Variants in WDR33 observed in about 807,000 individuals in gnomAD.
WDR33 encodes the protein WD repeat domain 33.
A neutral mutation model predicts 164.9 loss-of-function variants in WDR33; 47 were observed. The observed-to-expected ratio is 0.29, with a 90% CI of 0.23 to 0.36. The LOEUF is 0.36. Ranked by LOEUF, WDR33 falls within the 10% of genes least tolerant of loss-of-function variation. WDR33 has a pLI of 1.00. For synonymous variants in WDR33, 505 were observed against 589.0 expected (o/e 0.86, Z 2.06); for missense variants, 1,137 against 1,754.1 (o/e 0.65, Z 6.28).
At chr2:127,731,362 AAGAG>A (rs1398660539) in intron 7 of WDR33, among the ~76,000 whole-genome samples, 1 of 151,978 alleles carries the variant, frequency 6.6e-6, no homozygotes, top group African/African-American at 2.4e-5. Flanking sequence ...CAGTGTTAAT[AAGAG>A]AGAGAGTAAT....
At chr2:127,751,504 T>A (rs1201498768) in intron 7 of WDR33, among the ~76,000 whole-genome samples, 1 of 149,044 alleles carries the variant, frequency 6.7e-6, no homozygotes, top group Non-Finnish European at 1.5e-5. Flanking sequence ...TGAGCTATGA[T>A]CATGCCAGTG....
chr2:127,758,218 C>T (rs1456192568), intron 7 of WDR33, among the ~76,000 whole-genome samples: 1 of 152,106 alleles, frequency 6.6e-6, no homozygotes, highest in African/African-American at 2.4e-5. Context: ...TTCCTCTACC[C>T]ACACCCTTCT....
chr2:127,788,599 G>A (rs1688711441), intron 1 of WDR33, among the ~76,000 whole-genome samples: 2 of 140,154 alleles, frequency 1.4e-5, no homozygotes, highest in Non-Finnish European at 3.1e-5. Context: ...AGGGGCGGCC[G>A]GGCAGAGGCA....
At chr2:127,773,423 G>A (rs199692495) in intron 1 of WDR33, among the ~76,000 whole-genome samples, 3 of 139,164 alleles carry the variant, frequency 2.2e-5, no homozygotes, top group South Asian at 2.5e-4. Context: ...TAACAACAAG[G>A]AGGAGGAGGG....
At chr2:127,803,892 C>A (rs550197315) in intron 1 of WDR33, among the ~76,000 whole-genome samples, 4 of 142,078 alleles carry the variant, frequency 2.8e-5, no homozygotes, top group African/African-American at 1.1e-4. Context: ...AGGCTGCAGG[C>A]AGCTATGATC....
In WDR33 at chr2:127,763,619, G is replaced by A. The variant is rs1687741555; in HGVS notation, c.627-460C>T. 14 of 991,690 alleles carry A rather than the reference G, an allele frequency of 1.4e-5. No individual in the cohort carries two copies. The highest frequency in any genetic ancestry group is 1.2e-4 in the Admixed American group (2 of 17,142). 61.4% of individuals were successfully genotyped at this position (991,690 alleles called of 1,614,324 possible). On this transcript the variant is annotated intron_variant, in intron 6 of 21. Transcript: ENST00000322313. This position sits in a 1 kb window ranked among gnomAD's most constrained non-coding sequence, Gnocchi z 4.5. ...AAACAATGTGGGCTGTCTATTAAAA[G>A]ACTGATTGCTAAACATCCCTACATA...
chr2:127,701,963 C>T lies in WDR33; in HGVS notation c.*4360G>A, dbSNP rs757020662. ...GCTGCGAAGAAGCGCCGTCCCGGCCCGCGCTGCTCTACATGGCAGCGCTGG... is the reference window on the plus strand; with the variant it reads ...GCTGCGAAGAAGCGCCGTCCCGGCCTGCGCTGCTCTACATGGCAGCGCTGG... On this transcript the variant is annotated 3_prime_UTR_variant, in exon 22 of 22. Transcript: ENST00000322313. The T allele has an allele frequency of 3.1e-5, 43 of 1,394,660 alleles. No individual in the cohort carries two copies. The South Asian group carries it at 5.7e-4, about 18-fold the overall frequency. 86.4% of individuals were successfully genotyped at this position (1,394,660 alleles called of 1,614,324 possible).
intron 7 of WDR33, among the ~76,000 whole-genome samples, chr2:127,750,697 T>C (rs1156615342): frequency 2.6e-4 from 15 of 56,726 alleles, no homozygotes; most frequent in South Asian, 1.1e-3. Flanking sequence ...TATATATATA[T>C]ATATATATAT....
At position 127,713,058 on chromosome 2, in the gene WDR33, A is replaced by G. The variant is rs185141268; in HGVS notation, c.3308+525T>C. On this transcript the variant is annotated intron_variant, in intron 18 of 21. Transcript: ENST00000322313. The surrounding 1 kb of genome is among the most constrained non-coding windows in gnomAD (Gnocchi z 6.2). Reference sequence around the variant, plus strand: ...AGGCGTGAGCCACTGGTCCTGGGCTAATTCCTGTTTCTTTCTCCACATTTC... The same window carrying G: ...AGGCGTGAGCCACTGGTCCTGGGCTGATTCCTGTTTCTTTCTCCACATTTC... 1.3e-5 allele frequency among the ~76,000 whole-genome samples: 2 copies of G among 152,284 alleles called. No individual in the cohort carries two copies. Among genetic ancestry groups the G allele is most frequent in the African/African-American group, 4.8e-5 (2 of 41,562 alleles).
At chr2:127,758,717 C>T (rs956366873) in intron 7 of WDR33, among the ~76,000 whole-genome samples, 4 of 152,004 alleles carry the variant, frequency 2.6e-5, no homozygotes, top group Non-Finnish European at 5.9e-5. Context: ...TTACTGATTC[C>T]GTATTTTCAA....
rs1688139277 is a variant in WDR33 at position 127,774,880 on chromosome 2, AAAGTCACAT to A, written c.-23-3885_-23-3877del. Among the ~76,000 whole-genome samples the A allele has an allele frequency of 2.0e-5, 3 of 152,226 alleles. No individual in the cohort carries two copies. The South Asian group carries it at 6.2e-4, about 32-fold the overall frequency. On this transcript the variant is annotated intron_variant, in intron 1 of 21. Coordinates refer to ENST00000322313, the MANE Select transcript of WDR33 (RefSeq NM_018383.5). ...GCTAAGTGAAAGAAGTCAGCCACAA[AAAGTCACAT>A]ATTGTGTGATTATGTTTATATGAAA...
chr2:127,713,495 C>T lies in WDR33; in HGVS notation c.3308+88G>A. On this transcript the variant is annotated intron_variant, in intron 18 of 21. Coordinates refer to ENST00000322313, the MANE Select transcript of WDR33 (RefSeq NM_018383.5). The surrounding 1 kb of genome is among the most constrained non-coding windows in gnomAD (Gnocchi z 6.2). ...GGTAATTGATATAATTCTCTTTCCT[C>T]AAGAAAAAGAAGAAAGAGACCTTTG... 2 of 1,441,034 alleles carry T rather than the reference C, an allele frequency of 1.4e-6. No homozygotes were observed. The highest frequency in any genetic ancestry group is 1.9e-6 in the Non-Finnish European group (2 of 1,054,948). The allele number at this position is 1,441,034 out of a possible 1,614,324, so 89.3% of individuals were successfully genotyped here.
At chr2:127,707,284 G>A (rs931672541) in intron 21 of WDR33, among the ~76,000 whole-genome samples, 1 of 151,098 alleles carries the variant, frequency 6.6e-6, no homozygotes, top group African/African-American at 2.4e-5. Context: ...ATTCTATCTT[G>A]TAAGATTTTT....
chr2:127,797,361 G>A (rs1030530057), intron 1 of WDR33, among the ~76,000 whole-genome samples: 1 of 151,826 alleles, frequency 6.6e-6, no homozygotes, highest in Admixed American at 6.6e-5. Flanking sequence ...GCGTGGTGGC[G>A]CACACCTGTA....
At chr2:127,794,827 C>T (rs1400661398) in intron 1 of WDR33, among the ~76,000 whole-genome samples, 2 of 127,590 alleles carry the variant, frequency 1.6e-5, no homozygotes, top group Non-Finnish European at 3.2e-5. Context: ...AAGCGAGACT[C>T]CGTTTCAAAA....
Position 127,713,728 on chromosome 2 carries a change from G to T in WDR33, c.3163C>A (p.Pro1055Thr). ...TCGCTGAATTCCCTGTGATCAGGGG[G>T]AAACGGAGGCCCAGGGCCCCCTCGC... ...WRRGGPGPPF[P>T]PDHREFSEGD... The change falls in exon 18 of 22, where the codon CCC (proline) becomes ACC (threonine). Residue 1055 changes from proline (P) to threonine (T), a missense_variant. Pro to Thr is a conservative substitution (Grantham distance 38). Transcript: ENST00000322313. This position sits in a 1 kb window ranked among gnomAD's most constrained non-coding sequence, Gnocchi z 6.2. 1 of 1,614,224 alleles carries T rather than the reference G, an allele frequency of 6.2e-7. No individual in the cohort carries two copies. The highest frequency in any genetic ancestry group is 8.5e-7 in the Non-Finnish European group (1 of 1,180,004).
In WDR33 at chr2:127,709,792, G is replaced by A; in HGVS notation, c.3373C>T (p.Pro1125Ser). The A allele has an allele frequency of 6.2e-7, 1 of 1,614,160 alleles. No homozygotes were observed. Among genetic ancestry groups the A allele is most frequent in the South Asian group, 1.1e-5 (1 of 91,082 alleles). ...RAPPRGRDGFPGPEDFGPEEN... is the reference protein window; with the variant it reads ...RAPPRGRDGFSGPEDFGPEEN... The stretch of plus-strand genomic sequence containing the variant: ...TCTGGACCAAAGTCTTCAGGACCAG[G>A]AAAACCATCCCTTCCTCTGGGGGGA... Residue 1125 changes from proline (P) to serine (S), a missense_variant, in exon 19 of 22, where the codon CCT becomes TCT. Pro to Ser is a moderately conservative substitution (Grantham distance 74, BLOSUM62 -1). Transcript: ENST00000322313. The surrounding 1 kb of genome is among the most constrained non-coding windows in gnomAD (Gnocchi z 5.0).
chr2:127,704,521 G>A lies in WDR33; in HGVS notation c.*1802C>T, dbSNP rs1326700357. The A allele has an allele frequency of 6.0e-6, 1 of 166,894 alleles. No homozygotes were observed. Among genetic ancestry groups the A allele is most frequent in the African/African-American group, 2.4e-5 (1 of 41,362 alleles). The allele number at this position is 166,894 out of a possible 1,614,324, so 10.3% of individuals were successfully genotyped here. On this transcript the variant is annotated 3_prime_UTR_variant, in exon 22 of 22. Coordinates refer to ENST00000322313, the MANE Select transcript of WDR33 (RefSeq NM_018383.5). ...TCTCTTTAAGCTATACCAGTTGGGGGTGAGTGAAGAAATACCCATAACCTA... is the reference window on the plus strand; with the variant it reads ...TCTCTTTAAGCTATACCAGTTGGGGATGAGTGAAGAAATACCCATAACCTA...
Position 127,764,369 on chromosome 2 carries a change from C to T in WDR33, c.626+459G>A, listed in dbSNP as rs530825609. 3 of 1,425,658 alleles carry T rather than the reference C, an allele frequency of 2.1e-6. No individual in the cohort carries two copies. The highest frequency in any genetic ancestry group is 3.2e-5 in the Admixed American group (1 of 31,268). The allele number at this position is 1,425,658 out of a possible 1,614,324, so 88.3% of individuals were successfully genotyped here. On this transcript the variant is annotated intron_variant, in intron 6 of 21. Coordinates refer to ENST00000322313, the MANE Select transcript of WDR33 (RefSeq NM_018383.5). The surrounding 1 kb of genome is among the most constrained non-coding windows in gnomAD (Gnocchi z 6.2). ...TAGTCCTATACTTTCCTTTGGAAGT[C>T]GTGGCATAACCAAGCCAACCAGGTC...
Sources: gnomAD v4.1 joint callset for allele counts (sites outside exome capture counted in the v4.1 genomes callset) on GRCh38, gnomAD v4.1.1 for gene constraint, Gnocchi (gnomAD v3.1) non-coding constraint, MANE v1.5 for transcripts, NCBI Gene and HGNC (gene_info 2026-07-23, HGNC 2026-07-21) for gene names.